The following GALNT18 variants were observed in gnomAD, a reference collection of about 807,000 sequenced individuals.
GALNT18 encodes the protein GalNAc-transferase 18.
In GALNT18, 44 loss-of-function variants were observed where a neutral mutation model predicts 69.5. The observed-to-expected ratio is 0.63, with a 90% CI of 0.50 to 0.81. The LOEUF (loss-of-function observed/expected upper bound fraction) is 0.81, where lower values mean the gene tolerates loss of function less well. Ranked by LOEUF, GALNT18 falls within the 40% of genes least tolerant of loss-of-function variation. GALNT18 has a pLI of 0.00. For missense variants in GALNT18, 715 were observed against 810.0 expected, an observed-to-expected ratio of 0.88 and a Z score of 1.42; for synonymous variants, 364 against 318.2, an observed-to-expected ratio of 1.14 and a Z score of -1.53.
intron 1 of GALNT18, among the ~76,000 whole-genome samples, chr11:11,501,101 T>C (rs537716983): frequency 2.0e-4 from 31 of 152,360 alleles, no homozygotes; most frequent in South Asian, 8.3e-4. Flanking sequence ...GACCCTCCTA[T>C]TGAACTGTTT....
intron 1 of GALNT18, among the ~76,000 whole-genome samples, chr11:11,579,517 T>C (rs1188814573): frequency 1.3e-5 from 2 of 152,108 alleles, no homozygotes; most frequent in African/African-American, 4.8e-5. Context: ...GGAGTTTCTA[T>C]CCCTGTCCTA....
intron 1 of GALNT18, among the ~76,000 whole-genome samples, chr11:11,510,255 A>G (rs540465520): frequency 6.6e-6 from 1 of 152,220 alleles, no homozygotes; most frequent in Non-Finnish European, 1.5e-5. Context: ...CTTTAATGGG[A>G]GCCCATATTT....
chr11:11,599,739 T>A (rs1859589602), intron 1 of GALNT18, among the ~76,000 whole-genome samples: 1 of 152,016 alleles, frequency 6.6e-6, no homozygotes, highest in African/African-American at 2.4e-5. Flanking sequence ...TCCTTAATAA[T>A]TTTTAACATT....
Position 11,309,223 on chromosome 11 carries a change from G to A in GALNT18, c.1513-16030C>T, listed in dbSNP as rs1050699416. On this transcript the variant is annotated intron_variant, in intron 9 of 10. Coordinates refer to ENST00000227756, the MANE Select transcript of GALNT18 (RefSeq NM_198516.3). The surrounding 1 kb of genome is among the most constrained non-coding windows in gnomAD (Gnocchi z 4.6). ...ATGACACCACAAGAAGGCCCTCACCGGATGCTGGCCCCTTGATATTGGCCT... is the reference window on the plus strand; with the variant it reads ...ATGACACCACAAGAAGGCCCTCACCAGATGCTGGCCCCTTGATATTGGCCT... 1.1e-4 allele frequency among the ~76,000 whole-genome samples: 16 copies of A among 152,226 alleles called. No individual in the cohort carries two copies. Among genetic ancestry groups the A allele is most frequent in the African/African-American group, 2.9e-4 (12 of 41,538 alleles).
At chr11:11,398,837 T>C (rs1854393182) in intron 3 of GALNT18, among the ~76,000 whole-genome samples, 1 of 152,186 alleles carries the variant, frequency 6.6e-6, no homozygotes, top group Non-Finnish European at 1.5e-5. Flanking sequence ...GGAAGAACAA[T>C]GTCCCAGGCA....
rs1367538261 is a variant in GALNT18, at chr11:11,341,153, C to T, written c.1093-149G>A. ...ACTCTCTGTGAAGGAGTAGGCCATA[C>T]CTGATTTCTGCTCCTATAGCAGCAG... On this transcript the variant is annotated intron_variant, in intron 6 of 10. Transcript: ENST00000227756. The surrounding 1 kb of genome is among the most constrained non-coding windows in gnomAD (Gnocchi z 6.3). The T allele has an allele frequency of 1.1e-5, 7 of 634,198 alleles. No homozygotes were observed. The highest frequency in any genetic ancestry group is 3.1e-5 in the Admixed American group (1 of 31,916). The allele number at this position is 634,198 out of a possible 1,614,324, so 39.3% of individuals were successfully genotyped here.
chr11:11,388,260 A>G (rs961416392), intron 3 of GALNT18, among the ~76,000 whole-genome samples: 1 of 152,136 alleles, frequency 6.6e-6, no homozygotes, highest in Non-Finnish European at 1.5e-5. Flanking sequence ...TATGCACCCC[A>G]TACTTAGCGG....
In GALNT18 at chr11:11,562,156, C is replaced by A. The variant is rs1411691621; in HGVS notation, c.235+59203G>T. ...GCCTTCAACAACAGATATTCATTCT[C>A]TCACAGTTCTGGGAGCTAGACGTCC... On this transcript the variant is annotated intron_variant, in intron 1 of 10. Coordinates refer to ENST00000227756, the MANE Select transcript of GALNT18 (RefSeq NM_198516.3). This position sits in a 1 kb window ranked among gnomAD's most constrained non-coding sequence, Gnocchi z 4.1. Among the ~76,000 whole-genome samples the A allele has an allele frequency of 6.6e-6, 1 of 152,250 alleles. No individual in the cohort carries two copies. The highest frequency in any genetic ancestry group is 1.5e-5 in the Non-Finnish European group (1 of 68,050).
At position 11,603,938 on chromosome 11, in the gene GALNT18, G is replaced by A. The variant is rs1859689190; in HGVS notation, c.235+17421C>T. Among the ~76,000 whole-genome samples, 2 of 152,156 alleles carry A rather than the reference G, an allele frequency of 1.3e-5. No homozygotes were observed. Among genetic ancestry groups the A allele is most frequent in the African/African-American group, 4.8e-5 (2 of 41,434 alleles). On this transcript the variant is annotated intron_variant, in intron 1 of 10. Transcript: ENST00000227756. This position sits in a 1 kb window ranked among gnomAD's most constrained non-coding sequence, Gnocchi z 4.5. ...CCTAAGTTGATGGAATTAGGAGGTA[G>A]GGCCTTTGGGAGGTGATAAGGCCAT...
chr11:11,586,833 CAA>C lies in GALNT18; in HGVS notation c.235+34524_235+34525del, dbSNP rs71037031. ...TACTAAAAACACACACACACACACACAAAAAAAAGCCAGGTGTGGTGGCGGGC... is the reference window on the plus strand; with the variant it reads ...TACTAAAAACACACACACACACACACAAAAAAGCCAGGTGTGGTGGCGGGC... On this transcript the variant is annotated intron_variant, in intron 1 of 10. Coordinates refer to ENST00000227756, the MANE Select transcript of GALNT18 (RefSeq NM_198516.3). This position sits in a 1 kb window ranked among gnomAD's most constrained non-coding sequence, Gnocchi z 4.1. Among the ~76,000 whole-genome samples the C allele has an allele frequency of 0.69, 103,804 of 150,690 alleles. 37,012 individuals are homozygous for C. The highest frequency in any genetic ancestry group is 0.85 in the East Asian group (4,333 of 5,110).
At chr11:11,414,978 C>T (rs563923895) in intron 3 of GALNT18, among the ~76,000 whole-genome samples, 3 of 152,268 alleles carry the variant, frequency 2.0e-5, no homozygotes, top group African/African-American at 4.8e-5. Context: ...GAGATTGACT[C>T]GTTGTTGGCA....
chr11:11,578,648 C>T (rs77426918), intron 1 of GALNT18, among the ~76,000 whole-genome samples: 3,373 of 152,338 alleles, frequency 0.022, 60 homozygotes, highest in Middle Eastern at 0.068. Context: ...GACCCCACCT[C>T]CCGGGTCAGG....
At position 11,555,539 on chromosome 11, in the gene GALNT18, T is replaced by C. The variant is rs894264993; in HGVS notation, c.235+65820A>G. 6.6e-6 allele frequency among the ~76,000 whole-genome samples: 1 copy of C among 152,216 alleles called. No individual in the cohort carries two copies. The highest frequency in any genetic ancestry group is 1.9e-4 in the East Asian group (1 of 5,186). ...GACTTTAACCTGGCTTTGAATGCCC[T>C]GGCTTTAGACTTCTAATCTCCAGAA... On this transcript the variant is annotated intron_variant, in intron 1 of 10. Coordinates refer to ENST00000227756, the MANE Select transcript of GALNT18 (RefSeq NM_198516.3). This position sits in a 1 kb window ranked among gnomAD's most constrained non-coding sequence, Gnocchi z 4.7.
intron 1 of GALNT18, among the ~76,000 whole-genome samples, chr11:11,479,747 T>C (rs546156758): frequency 1.3e-5 from 2 of 152,354 alleles, no homozygotes; most frequent in South Asian, 4.1e-4. Context: ...CATTGATTCA[T>C]CTGTAGCCTC....
At chr11:11,482,143 T>C (rs1856544652) in intron 1 of GALNT18, among the ~76,000 whole-genome samples, 1 of 152,208 alleles carries the variant, frequency 6.6e-6, no homozygotes, top group African/African-American at 2.4e-5. Context: ...CTGGACTGCA[T>C]GGAGCTAGTT....
intron 1 of GALNT18, among the ~76,000 whole-genome samples, chr11:11,492,347 G>C (rs1369703836): frequency 6.6e-6 from 1 of 152,220 alleles, no homozygotes; most frequent in South Asian, 2.1e-4. Context: ...GCAGCTGCCT[G>C]TTTAGAAACC....
intron 10 of GALNT18, among the ~76,000 whole-genome samples, chr11:11,278,796 G>T (rs1395432541): frequency 6.6e-6 from 1 of 152,028 alleles, no homozygotes; most frequent in African/African-American, 2.4e-5. Flanking sequence ...TAATGCAACA[G>T]GGTAACTATA....
At chr11:11,571,928 C>T (rs1388042267) in intron 1 of GALNT18, among the ~76,000 whole-genome samples, 2 of 152,190 alleles carry the variant, frequency 1.3e-5, no homozygotes, top group Non-Finnish European at 1.5e-5. Context: ...TGGGGAAACA[C>T]AGTGAGCTGT....
intron 6 of GALNT18, among the ~76,000 whole-genome samples, chr11:11,345,338 G>A (rs1850283185): frequency 6.6e-6 from 1 of 152,230 alleles, no homozygotes; most frequent in Non-Finnish European, 1.5e-5. Flanking sequence ...GAGAAAGCCT[G>A]TGCTGGCTGA....
Sources: gnomAD v4.1 joint callset for allele counts (sites outside exome capture counted in the v4.1 genomes callset) on GRCh38, gnomAD v4.1.1 for gene constraint, Gnocchi (gnomAD v3.1) non-coding constraint, MANE v1.5 for transcripts, NCBI Gene and HGNC (gene_info 2026-07-23, HGNC 2026-07-21) for gene names.